LRP1B: variants seen among roughly 807,000 people sequenced by gnomAD.
LRP1B encodes the protein low-density lipoprotein receptor-related protein 1B.
A neutral mutation model predicts 556.6 loss-of-function variants in LRP1B; 217 were observed. The ratio of observed to expected loss-of-function variants is 0.39; its 90% CI spans 0.35 to 0.44. LRP1B has a LOEUF of 0.44. Among genes scored for constraint, LRP1B ranks in the 20% least tolerant of loss-of-function variants. The probability of loss-of-function intolerance (pLI) is 1.00; values close to 1 mark genes in which losing one functional copy is unlikely to be tolerated. For missense variants in LRP1B, 5,053 were observed against 5,620.8 expected (o/e 0.90, Z 3.23); for synonymous variants, 2,047 against 1,865.8 (o/e 1.10, Z -2.50).
chr2:142,096,372 A>C (rs1306524385), intron 1 of LRP1B, among the ~76,000 whole-genome samples: 1 of 151,634 alleles, frequency 6.6e-6, no homozygotes, highest in African/African-American at 2.4e-5. Flanking sequence ...GAGTACATTC[A>C]TGTTAATCCA....
At chr2:141,910,730 T>C (rs1018810955) in intron 1 of LRP1B, among the ~76,000 whole-genome samples, 1 of 152,254 alleles carries the variant, frequency 6.6e-6, no homozygotes, top group South Asian at 2.1e-4. Flanking sequence ...AGTTTTTCTA[T>C]ACGATTTTAA....
intron 1 of LRP1B, among the ~76,000 whole-genome samples, chr2:141,852,083 A>C (rs893068098): frequency 2.6e-5 from 4 of 151,856 alleles, no homozygotes; most frequent in Admixed American, 1.3e-4. Flanking sequence ...AAGAATCAAT[A>C]AATTCATCTT....
intron 84 of LRP1B, among the ~76,000 whole-genome samples, chr2:140,277,688 GA>G (rs1404239533): frequency 6.6e-6 from 1 of 151,832 alleles, no homozygotes; most frequent in Non-Finnish European, 1.5e-5. Context: ...TCAAGGAGAT[GA>G]AAATTAAATT....
At chr2:141,994,058 C>A (rs187319205) in intron 1 of LRP1B, among the ~76,000 whole-genome samples, 1 of 152,220 alleles carries the variant, frequency 6.6e-6, no homozygotes, top group African/African-American at 2.4e-5. Flanking sequence ...CCCAAAATTT[C>A]TTTATTTTAC....
chr2:140,396,249 T>C (rs1201227793), intron 66 of LRP1B, among the ~76,000 whole-genome samples: 1 of 152,186 alleles, frequency 6.6e-6, no homozygotes, highest in Admixed American at 6.5e-5. Flanking sequence ...AAAATAAGCC[T>C]CTTTTATTTT....
intron 43 of LRP1B, among the ~76,000 whole-genome samples, chr2:140,559,662 TG>T (rs1680859441): frequency 6.6e-6 from 1 of 151,740 alleles, no homozygotes; most frequent in Admixed American, 6.6e-5. Flanking sequence ...AATGGCCATA[TG>T]GGGGGACATT....
chr2:140,409,040 GT>G lies in LRP1B; in HGVS notation c.10415-23032del, dbSNP rs143153398. Among the ~76,000 whole-genome samples the G allele has an allele frequency of 8.0e-3, 1,212 of 151,976 alleles. 19 individuals carry two copies. Among genetic ancestry groups the G allele is most frequent in the Non-Finnish European group, 9.9e-3 (670 of 67,828 alleles). On this transcript the variant is annotated intron_variant, in intron 66 of 90. Transcript: ENST00000389484. Reference sequence around the variant, plus strand: ...AAGGAGCATTTATATTTGAACTTTTGTTTTTTACTATGAATTTCACATGCTT... The same window carrying G: ...AAGGAGCATTTATATTTGAACTTTTGTTTTTACTATGAATTTCACATGCTT...
intron 41 of LRP1B, among the ~76,000 whole-genome samples, chr2:140,610,240 C>A (rs1047899935): frequency 6.6e-6 from 1 of 152,096 alleles, no homozygotes; most frequent in Admixed American, 6.6e-5. Context: ...GGACAGGGAA[C>A]GTGACTGTCT....
chr2:141,645,819 T>A (rs1689542139), intron 2 of LRP1B, among the ~76,000 whole-genome samples: 1 of 152,072 alleles, frequency 6.6e-6, no homozygotes, highest in Non-Finnish European at 1.5e-5. Context: ...AAAACATGTA[T>A]TTTTTGAGAA....
intron 1 of LRP1B, among the ~76,000 whole-genome samples, chr2:141,882,281 T>C (rs932111941): frequency 1.3e-5 from 2 of 152,094 alleles, no homozygotes; most frequent in African/African-American, 4.8e-5. Flanking sequence ...TGAGCCTAGG[T>C]ACATATTCCA....
chr2:140,365,911 C>A (rs1423740142), intron 71 of LRP1B, among the ~76,000 whole-genome samples: 1 of 151,654 alleles, frequency 6.6e-6, no homozygotes, highest in Non-Finnish European at 1.5e-5. Flanking sequence ...TAGAAAGAGC[C>A]ATTGTTCCTT....
intron 31 of LRP1B, among the ~76,000 whole-genome samples, chr2:140,837,482 G>A (rs1324093686): frequency 6.6e-6 from 1 of 152,016 alleles, no homozygotes; most frequent in Non-Finnish European, 1.5e-5. Flanking sequence ...AGTATGTCTT[G>A]TACAAATTAA....
At chr2:141,426,609 C>A (rs950568852) in intron 3 of LRP1B, among the ~76,000 whole-genome samples, 35 of 152,092 alleles carry the variant, frequency 2.3e-4, no homozygotes, top group African/African-American at 8.2e-4. Context: ...TAAACTGAGG[C>A]TGGAAAGGAG....
rs61149226 is a variant in LRP1B, at chr2:141,898,427, C to T, written c.83-88026G>A. Among the ~76,000 whole-genome samples, 416 of 152,232 alleles carry T rather than the reference C, an allele frequency of 2.7e-3. 1 individual carries two copies. Among genetic ancestry groups the T allele is most frequent in the African/African-American group, 9.3e-3 (385 of 41,546 alleles). ...ACTTATTGAAGTCAAGTCTTTGACT[C>T]ATGGGCTCAAAAATCAGTTTTAATC... On this transcript the variant is annotated intron_variant, in intron 1 of 90. Transcript: ENST00000389484.
At chr2:140,551,300 A>G (rs996178867) in intron 43 of LRP1B, among the ~76,000 whole-genome samples, 4 of 152,184 alleles carry the variant, frequency 2.6e-5, no homozygotes, top group African/African-American at 9.7e-5. Context: ...CTGGTATGCC[A>G]TCTAAGATTG....
chr2:141,678,877 C>T (rs940389952), intron 2 of LRP1B, among the ~76,000 whole-genome samples: 1 of 152,096 alleles, frequency 6.6e-6, no homozygotes, highest in Non-Finnish European at 1.5e-5. Flanking sequence ...GGTATTCATG[C>T]TCCTATGAAA....
intron 2 of LRP1B, among the ~76,000 whole-genome samples, chr2:141,624,797 T>G (rs1293717036): frequency 1.3e-5 from 2 of 152,172 alleles, no homozygotes; most frequent in Non-Finnish European, 2.9e-5. Flanking sequence ...TGAGATGGGG[T>G]CTCGCGCTGT....
At chr2:142,072,299 G>A (rs1357019051) in intron 1 of LRP1B, among the ~76,000 whole-genome samples, 1 of 151,866 alleles carries the variant, frequency 6.6e-6, no homozygotes, top group Non-Finnish European at 1.5e-5. Context: ...ATGCTCCAGG[G>A]ATTCCTTATT....
intron 9 of LRP1B, among the ~76,000 whole-genome samples, chr2:141,056,600 A>C (rs1699184565): frequency 6.6e-6 from 1 of 151,936 alleles, no homozygotes; most frequent in Non-Finnish European, 1.5e-5. Context: ...ATTGGATTTA[A>C]GAAGCTTCAT....
Sources: gnomAD v4.1 joint callset for allele counts (sites outside exome capture counted in the v4.1 genomes callset) on GRCh38, gnomAD v4.1.1 for gene constraint, MANE v1.5 for transcripts, NCBI Gene and HGNC (gene_info 2026-07-23, HGNC 2026-07-21) for gene names.